Variants in RFPL1 observed in about 807,000 individuals in gnomAD.
RFPL1 encodes the protein ret finger protein like 1.
A neutral mutation model predicts 9.6 loss-of-function variants in RFPL1; 6 were observed. The ratio of observed to expected loss-of-function variants is 0.62; its 90% CI spans 0.34 to 1.23. The LOEUF (loss-of-function observed/expected upper bound fraction) is 1.23. RFPL1 is among the 50% of genes most tolerant of loss of function. RFPL1 has a pLI of 0.03. For missense variants in RFPL1, 352 were observed against 398.4 expected, an observed-to-expected ratio of 0.88 and a Z score of 0.99; for synonymous variants, 145 against 149.4, an observed-to-expected ratio of 0.97 and a Z score of 0.22.
At chr22:29,389,492 C>T in the RFPL1 span, among the ~76,000 whole-genome samples, 1 of 151,696 alleles carries the variant, frequency 6.6e-6, no homozygotes, top group South Asian at 2.1e-4. Context: ...CGAGACCATC[C>T]TGGTTAACAT....
At chr22:29,421,028 C>T in the RFPL1 span, among the ~76,000 whole-genome samples, 4 of 152,124 alleles carry the variant, frequency 2.6e-5, no homozygotes, top group African/African-American at 9.7e-5. Context: ...CATTTCCCTC[C>T]ATTTCGCAGT....
the RFPL1 span, among the ~76,000 whole-genome samples, chr22:29,397,620 G>A: frequency 6.6e-6 from 1 of 152,192 alleles, no homozygotes; most frequent in Non-Finnish European, 1.5e-5. Context: ...TTTGATAAGT[G>A]GGCATCTTGG....
the RFPL1 span, among the ~76,000 whole-genome samples, chr22:29,387,945 C>T: frequency 6.6e-6 from 1 of 152,218 alleles, no homozygotes; most frequent in East Asian, 1.9e-4. Flanking sequence ...GTTAACTTGT[C>T]TTAGAGGCTC....
At chr22:29,442,434 TTAAA>T in exon 2 of RFPL1, 1 of 202,970 alleles carries the variant, frequency 4.9e-6, no homozygotes, top group Non-Finnish European at 9.8e-6. Context: ...AAGTTATGAG[TTAAA>T]TAAACATTGG....
At chr22:29,427,594 C>T in the RFPL1 span, among the ~76,000 whole-genome samples, 2 of 152,318 alleles carry the variant, frequency 1.3e-5, no homozygotes, top group East Asian at 3.9e-4. Flanking sequence ...TGGAATCCCA[C>T]TGGGCCCAAT....
At chr22:29,400,656 T>G in the RFPL1 span, among the ~76,000 whole-genome samples, 6 of 152,224 alleles carry the variant, frequency 3.9e-5, no homozygotes, top group Non-Finnish European at 7.3e-5. Context: ...TATATCTCCC[T>G]TCAACTGTTC....
the RFPL1 span, among the ~76,000 whole-genome samples, chr22:29,390,952 T>C: frequency 6.7e-6 from 1 of 148,780 alleles, no homozygotes; most frequent in African/African-American, 2.5e-5. Flanking sequence ...CCATCCTGGC[T>C]AACACAGTGA....
chr22:29,389,457 C>T, the RFPL1 span, among the ~76,000 whole-genome samples: 1 of 151,064 alleles, frequency 6.6e-6, no homozygotes, highest in African/African-American at 2.4e-5. Context: ...GAGGCCGAGG[C>T]GGGCGGATCA....
chr22:29,418,935 C>A, the RFPL1 span, among the ~76,000 whole-genome samples: 1 of 152,178 alleles, frequency 6.6e-6, no homozygotes, highest in African/African-American at 2.4e-5. Context: ...CCCACCTACT[C>A]CAGTTAACTC....
chr22:29,392,378 C>G, the RFPL1 span, among the ~76,000 whole-genome samples: 3 of 46,272 alleles, frequency 6.5e-5, no homozygotes, highest in Non-Finnish European at 1.2e-4. Flanking sequence ...CCACACCTGG[C>G]TTTTTTTTTT....
upstream of RFPL1, among the ~76,000 whole-genome samples, chr22:29,435,378 G>C (rs1428849651): frequency 6.6e-6 from 1 of 152,128 alleles, no homozygotes; most frequent in Non-Finnish European, 1.5e-5. Context: ...GGATCATCTT[G>C]TGAATTTGAC....
At chr22:29,398,348 A>G in the RFPL1 span, among the ~76,000 whole-genome samples, 1 of 152,214 alleles carries the variant, frequency 6.6e-6, no homozygotes, top group Admixed American at 6.5e-5. Flanking sequence ...GGTGATGATG[A>G]TGGCGGTGCC....
the RFPL1 span, chr22:29,419,393 C>T: frequency 6.5e-6 from 4 of 614,230 alleles, no homozygotes; most frequent in East Asian, 8.1e-5. Flanking sequence ...AAGCTTCAGG[C>T]GCCTGGCCTC....
the RFPL1 span, among the ~76,000 whole-genome samples, chr22:29,393,013 G>A: frequency 6.6e-6 from 1 of 152,224 alleles, no homozygotes; most frequent in Admixed American, 6.5e-5. Context: ...GGGGCTCACT[G>A]TTGAGTATGG....
chr22:29,427,315 G>A, the RFPL1 span, among the ~76,000 whole-genome samples: 1 of 152,216 alleles, frequency 6.6e-6, no homozygotes, highest in Non-Finnish European at 1.5e-5. Flanking sequence ...ACAAGGTGGG[G>A]GCTGAGCCAC....
chr22:29,420,361 C>T, the RFPL1 span, among the ~76,000 whole-genome samples: 1 of 152,132 alleles, frequency 6.6e-6, no homozygotes, highest in African/African-American at 2.4e-5. Context: ...GATGGAGTCT[C>T]GCTCTGTCAC....
At chr22:29,410,232 TA>T in the RFPL1 span, among the ~76,000 whole-genome samples, 1 of 136,124 alleles carries the variant, frequency 7.3e-6, no homozygotes, top group Non-Finnish European at 1.5e-5. Context: ...TATATATAGA[TA>T]TATATATAGT....
chr22:29,406,976 T>C, the RFPL1 span, among the ~76,000 whole-genome samples: 1 of 152,212 alleles, frequency 6.6e-6, no homozygotes, highest in Non-Finnish European at 1.5e-5. Flanking sequence ...TGCTATGTCA[T>C]GTTCTTCATT....
chr22:29,441,349 T>A, intron 1 of RFPL1, 193 bp from the exon 2 acceptor site: 2 of 623,180 alleles, frequency 3.2e-6, no homozygotes, highest in Non-Finnish European at 5.6e-6. Context: ...GAATAAGAGT[T>A]GGGTATTGCC....
Sources: allele counts gnomAD v4.1 joint callset (sites outside exome capture counted in the v4.1 genomes callset), GRCh38; gene constraint gnomAD v4.1.1; transcripts MANE v1.5; gene names NCBI Gene and HGNC (gene_info 2026-07-23, HGNC 2026-07-21).